The following EPHA10 variants were observed in gnomAD, a reference collection of about 807,000 sequenced individuals.
EPHA10 encodes ephrin type-A receptor 10.
Under a neutral mutation model 109.7 loss-of-function variants are expected in EPHA10, and 120 were observed. That is an observed-to-expected ratio of 1.09 (90% CI 0.94 to 1.27). EPHA10 has a LOEUF of 1.27. EPHA10 is among the 50% of genes most tolerant of loss of function. The pLI is 0.00. For synonymous variants in EPHA10, 640 were observed against 618.9 expected (o/e 1.03, Z -0.51); for missense variants, 1,396 against 1,411.1 (o/e 0.99, Z 0.17).
chr1:37,714,269 C>T (rs1329502675), downstream of EPHA10, among the ~76,000 whole-genome samples: 1 of 152,146 alleles, frequency 6.6e-6, no homozygotes, highest in Non-Finnish European at 1.5e-5. Flanking sequence ...ATGGCCCGGG[C>T]CAGGGAGAGG....
intron 3 of EPHA10, among the ~76,000 whole-genome samples, chr1:37,755,328 G>GCA (rs10623323): frequency 0.25 from 36,318 of 147,470 alleles, 4,541 homozygotes; most frequent in Admixed American, 0.29. Context: ...AAGCATACAT[G>GCA]CACACACACA....
rs143268645 is a variant in EPHA10 at position 37,743,172 on chromosome 1, A to C, written c.1358-7782T>G. ...AGAACAAGTAAACAGAAAATACCAG[A>C]AATTGGGTATATGAAAAAATATTTC... is the stretch of plus-strand genomic sequence containing the variant. On this transcript the variant is annotated intron_variant, in intron 5 of 16. Transcript: ENST00000373048. Among the ~76,000 whole-genome samples the C allele has an allele frequency of 4.7e-3, 709 of 152,260 alleles. 8 individuals are homozygous for C. The highest frequency in any genetic ancestry group is 0.016 in the African/African-American group (671 of 41,554).
chr1:37,719,348 C>A, intron 15 of EPHA10, 66 bp downstream of exon 15: 1 of 1,563,738 alleles, frequency 6.4e-7, no homozygotes, highest in Non-Finnish European at 8.7e-7. Context: ...TGGGTTTGCA[C>A]TTGCAACATG....
chr1:37,747,468 T>C (rs1415720777), intron 5 of EPHA10, among the ~76,000 whole-genome samples: 1 of 150,860 alleles, frequency 6.6e-6, no homozygotes, highest in Non-Finnish European at 1.5e-5. Flanking sequence ...GGAGAATCGC[T>C]TGAACTCAGG....
At chr1:37,763,925 T>C (rs1040201369) in intron 1 of EPHA10, among the ~76,000 whole-genome samples, 1 of 152,208 alleles carries the variant, frequency 6.6e-6, no homozygotes, top group Non-Finnish European at 1.5e-5. Flanking sequence ...AAAGAATGTC[T>C]GGGGTTCTTT....
In EPHA10 at chr1:37,718,010, C is replaced by G; in HGVS notation, c.*362G>C. The G allele has an allele frequency of 3.3e-6, 1 of 306,822 alleles. No homozygotes were observed. The highest frequency in any genetic ancestry group is 5.2e-5 in the East Asian group (1 of 19,266). The allele number at this position is 306,822 out of a possible 1,614,324, so 19.0% of individuals were successfully genotyped here. A position where few individuals can be genotyped will look rare whatever the true frequency, so the allele number is the denominator to read the frequency against. On this transcript the variant is annotated 3_prime_UTR_variant, in exon 17 of 17. Transcript: ENST00000373048. ...ACCCCACGGGGTAGGCCCCAGCCCC[C>G]AGTGGGTACAAATGGCAGTAGGGCA...
downstream of EPHA10, among the ~76,000 whole-genome samples, chr1:37,715,560 C>A (rs763025901): frequency 6.6e-6 from 1 of 152,166 alleles, no homozygotes; most frequent in Non-Finnish European, 1.5e-5. Flanking sequence ...GAGGTTCAGA[C>A]CAGATATCCA....
At chr1:37,741,361 G>T (rs1646150428) in intron 5 of EPHA10, among the ~76,000 whole-genome samples, 1 of 152,194 alleles carries the variant, frequency 6.6e-6, no homozygotes, top group Non-Finnish European at 1.5e-5. Context: ...GGGGATTGAG[G>T]AAAGTACCGA....
intron 5 of EPHA10, among the ~76,000 whole-genome samples, chr1:37,750,037 C>G (rs1646299279): frequency 6.6e-6 from 1 of 152,138 alleles, no homozygotes. Context: ...TGTATTAAAA[C>G]AAAAGGGATT....
intron 14 of EPHA10, 134 bp downstream of exon 14, chr1:37,719,775 C>A: frequency 6.6e-7 from 1 of 1,505,852 alleles, no homozygotes; most frequent in Non-Finnish European, 9.1e-7. Flanking sequence ...AGTGGCCAGG[C>A]AGAACCAGAA....
chr1:37,726,061 G>C (rs1645886879), intron 8 of EPHA10, among the ~76,000 whole-genome samples: 1 of 152,210 alleles, frequency 6.6e-6, no homozygotes, highest in Admixed American at 6.5e-5. Flanking sequence ...CCTGTCCCTG[G>C]GGCGCTCCTG....
At chr1:37,729,774 G>A (rs1206567890) in intron 7 of EPHA10, among the ~76,000 whole-genome samples, 1 of 151,962 alleles carries the variant, frequency 6.6e-6, no homozygotes, top group Non-Finnish European at 1.5e-5. Context: ...TTGGGAAGCT[G>A]AGGTGGGAGG....
In EPHA10 at chr1:37,748,534, T is replaced by C. The variant is rs768766964; in HGVS notation, c.1357+4342A>G. ...ACCTTTACCAAAGCCAGCATCCCCA[T>C]AGTGCCAAAACTTGACAAAGAACAC... On this transcript the variant is annotated intron_variant, in intron 5 of 16. Transcript: ENST00000373048. Among the ~76,000 whole-genome samples the C allele has an allele frequency of 4.2e-4, 64 of 152,116 alleles. 1 individual carries two copies. The highest frequency in any genetic ancestry group is 7.9e-4 in the Admixed American group (12 of 15,266).
chr1:37,739,115 C>T (rs555198635), intron 5 of EPHA10, among the ~76,000 whole-genome samples: 10 of 151,322 alleles, frequency 6.6e-5, no homozygotes, highest in East Asian at 1.9e-4. Flanking sequence ...CAAACCTGCA[C>T]GCTGTGTACA....
Position 37,764,718 on chromosome 1 carries a change from C to T in EPHA10, c.106+243G>A, listed in dbSNP as rs6689439. Among the ~76,000 whole-genome samples the T allele has an allele frequency of 0.1, 15,444 of 152,050 alleles. 1,938 individuals carry two copies. Among genetic ancestry groups the T allele is most frequent in the African/African-American group, 0.29 (12,087 of 41,428 alleles). ...GCTGGACCGCCGCCTCTGGCTCCCG[C>T]GGTTCCTGGCCTCTTTCTTTCCCAA... On this transcript the variant is annotated intron_variant, in intron 1 of 16. Transcript: ENST00000373048. The surrounding 1 kb of genome is among the most constrained non-coding windows in gnomAD (Gnocchi z 5.8).
intron 5 of EPHA10, among the ~76,000 whole-genome samples, chr1:37,747,773 T>A (rs903392812): frequency 9.3e-5 from 14 of 150,900 alleles, no homozygotes; most frequent in African/African-American, 2.9e-4. Context: ...ATCTCAAAAA[T>A]AATAATAATA....
chr1:37,761,363 C>T (rs371838120), intron 3 of EPHA10, 42 bp downstream of exon 3: 270 of 1,564,944 alleles, frequency 1.7e-4, no homozygotes, highest in Non-Finnish European at 2.0e-4. Context: ...TTGCCACCTA[C>T]GCTCTACACT....
At chr1:37,720,644 C>A in intron 12 of EPHA10, 90 bp from the exon 13 acceptor site, 1 of 1,532,516 alleles carries the variant, frequency 6.5e-7, no homozygotes, top group Non-Finnish European at 8.9e-7. Flanking sequence ...TCTCGCCAGG[C>A]TTTAGTTCAC....
chr1:37,727,050 T>C (rs1253359482), intron 8 of EPHA10, 52 bp downstream of exon 8: 23 of 1,435,602 alleles, frequency 1.6e-5, no homozygotes, highest in African/African-American at 4.3e-5. Context: ...CACATTAATG[T>C]GCACGGGACA....
Sources: gnomAD v4.1 joint callset for allele counts (sites outside exome capture counted in the v4.1 genomes callset) on GRCh38, gnomAD v4.1.1 for gene constraint, Gnocchi (gnomAD v3.1) non-coding constraint, MANE v1.5 for transcripts, NCBI Gene and HGNC (gene_info 2026-07-23, HGNC 2026-07-21) for gene names.